SYNE1: variants seen among roughly 807,000 people sequenced by gnomAD.
SYNE1 encodes the protein spectrin repeat containing nuclear envelope protein 1, also known as nesprin-1.
SYNE1 carries 616 observed loss-of-function variants against 1,111.0 expected under a neutral mutation model. The ratio of observed to expected loss-of-function variants is 0.55; its 90% CI spans 0.52 to 0.59. SYNE1 has a LOEUF of 0.59. Among genes scored for constraint, SYNE1 ranks in the 20% least tolerant of loss-of-function variants. The probability of loss-of-function intolerance (pLI) is 0.00; values close to 1 mark genes in which losing one functional copy is unlikely to be tolerated. For missense variants in SYNE1, 10,006 were observed against 10,417.0 expected (o/e 0.96, Z 1.72); for synonymous variants, 3,855 against 3,825.8 (o/e 1.01, Z -0.28).
At chr6:152,317,203 T>G (rs927504341) in intron 86 of SYNE1, among the ~76,000 whole-genome samples, 7 of 151,816 alleles carry the variant, frequency 4.6e-5, no homozygotes, top group African/African-American at 1.5e-4. Flanking sequence ...ATGATTGAAT[T>G]ATTCCTCTTT....
At chr6:152,169,112 C>T (rs1420773868) in intron 130 of SYNE1, among the ~76,000 whole-genome samples, 1 of 151,866 alleles carries the variant, frequency 6.6e-6, no homozygotes, top group Non-Finnish European at 1.5e-5. Context: ...AAAAACTACA[C>T]ACAAATAAAT....
chr6:152,631,680 C>T (rs1266029228), intron 2 of SYNE1, among the ~76,000 whole-genome samples: 1 of 152,050 alleles, frequency 6.6e-6, no homozygotes, highest in Non-Finnish European at 1.5e-5. Flanking sequence ...TATAACACAG[C>T]TTTAGGGAAC....
intron 3 of SYNE1, among the ~76,000 whole-genome samples, chr6:152,555,104 A>G (rs947280833): frequency 4.6e-5 from 7 of 152,230 alleles, no homozygotes; most frequent in African/African-American, 1.7e-4. Context: ...AATCTTAGGA[A>G]GAGCAAAGAA....
At chr6:152,627,954 C>G (rs547997526) in intron 3 of SYNE1, among the ~76,000 whole-genome samples, 1 of 145,438 alleles carries the variant, frequency 6.9e-6, no homozygotes, top group Non-Finnish European at 1.5e-5. Context: ...TATTATTGAA[C>G]AACAGCAGCA....
rs145890180 is a variant in SYNE1 at position 152,427,088 on chromosome 6, A to G, written c.5100+605T>C. Among the ~76,000 whole-genome samples, 1,364 of 152,332 alleles carry G rather than the reference A, an allele frequency of 9.0e-3. 76 individuals are homozygous for G. The highest frequency in any genetic ancestry group is 0.083 in the Admixed American group (1,270 of 15,296). On this transcript the variant is annotated intron_variant, in intron 38 of 145. Coordinates refer to ENST00000367255, the MANE Select transcript of SYNE1 (RefSeq NM_182961.4). ...TTATTAATCTCTAGAAATCAGTAAC[A>G]TTGCCTTTAGCTTCAATTATACTCA...
intron 56 of SYNE1, 117 bp downstream of exon 56, chr6:152,380,889 C>G (rs1269581039): frequency 3.1e-6 from 3 of 956,684 alleles, no homozygotes; most frequent in East Asian, 2.4e-5. Context: ...ATAAATACTT[C>G]TTCCAAGTGT....
At chr6:152,585,134 T>C (rs754993241) in intron 3 of SYNE1, among the ~76,000 whole-genome samples, 4 of 152,066 alleles carry the variant, frequency 2.6e-5, no homozygotes, top group Non-Finnish European at 5.9e-5. Flanking sequence ...GCTTTTCCCC[T>C]ATTGCTCGGC....
At chr6:152,294,929 T>C (rs2094797146) in intron 93 of SYNE1, among the ~76,000 whole-genome samples, 1 of 152,210 alleles carries the variant, frequency 6.6e-6, no homozygotes, top group African/African-American at 2.4e-5. Flanking sequence ...GGGGGAGTAA[T>C]TGCTATTATA....
chr6:152,184,363 G>A (rs1393249046), intron 128 of SYNE1, among the ~76,000 whole-genome samples: 1 of 150,560 alleles, frequency 6.6e-6, no homozygotes, highest in East Asian at 1.9e-4. Flanking sequence ...CTTGAACCCA[G>A]GAGGCACAGG....
intron 3 of SYNE1, among the ~76,000 whole-genome samples, chr6:152,617,877 T>C (rs1462457912): frequency 6.6e-6 from 1 of 152,098 alleles, no homozygotes; most frequent in Non-Finnish European, 1.5e-5. Flanking sequence ...GGCAGGGAAA[T>C]GAGACTGAGA....
At chr6:152,493,707 A>G (rs1371455697) in intron 11 of SYNE1, among the ~76,000 whole-genome samples, 1 of 152,162 alleles carries the variant, frequency 6.6e-6, no homozygotes, top group East Asian at 1.9e-4. Flanking sequence ...CTATCTCAGC[A>G]TAACTCTTCA....
At chr6:152,200,563 AT>A (rs1257706409) in intron 127 of SYNE1, among the ~76,000 whole-genome samples, 1 of 152,082 alleles carries the variant, frequency 6.6e-6, no homozygotes, top group Admixed American at 6.6e-5. Context: ...ACTCTGGTTA[AT>A]TTTTAAATTT....
intron 121 of SYNE1, among the ~76,000 whole-genome samples, chr6:152,217,729 G>A (rs1037862394): frequency 9.9e-5 from 15 of 152,048 alleles, no homozygotes; most frequent in Non-Finnish European, 2.1e-4. Flanking sequence ...CATGGAGAGG[G>A]ACCAGCCGTG....
Position 152,354,715 on chromosome 6 carries a change from T to C in SYNE1, c.10870A>G (p.Arg3624Gly), listed in dbSNP as rs766081119. ...LKTAEEKVSP[R>G]TRRQSNRATK... ...GCCCTGTTAGACTGACGTCTGGTCC[T>C]GGGACTAACTTTCTCCTCTGCTGTT... is the stretch of plus-strand genomic sequence containing the variant. The change falls in exon 67 of 146, where the codon AGG (arginine) becomes GGG (glycine). Residue 3624 changes from arginine (R) to glycine (G), a missense_variant. Transcript: ENST00000367255. 4.3e-6 allele frequency: 7 copies of C among 1,614,246 alleles called. No homozygotes were observed. Among genetic ancestry groups the C allele is most frequent in the Non-Finnish European group, 5.9e-6 (7 of 1,180,040 alleles).
intron 49 of SYNE1, 99 bp downstream of exon 49, chr6:152,398,520 T>A (rs922448964): frequency 2.1e-6 from 2 of 951,240 alleles, no homozygotes; most frequent in Admixed American, 3.5e-5. Flanking sequence ...GAGGAAAAGA[T>A]TGGCTCAGAT....
chr6:152,455,327 C>T, intron 24 of SYNE1, 99 bp downstream of exon 24: 1 of 1,323,638 alleles, frequency 7.6e-7, no homozygotes, highest in Non-Finnish European at 1.0e-6. Context: ...CATCTGCCCG[C>T]TCTCCTTCTG....
At chr6:152,199,254 T>TA (rs2074888242) in intron 127 of SYNE1, among the ~76,000 whole-genome samples, 1 of 152,222 alleles carries the variant, frequency 6.6e-6, no homozygotes. Flanking sequence ...CATAAACCTC[T>TA]AACTTATCCT....
intron 54 of SYNE1, among the ~76,000 whole-genome samples, chr6:152,386,079 G>A (rs2097522846): frequency 6.6e-6 from 1 of 152,144 alleles, no homozygotes; most frequent in African/African-American, 2.4e-5. Context: ...TGGAAATCAT[G>A]CTTAATTCAT....
chr6:152,127,347 G>C (rs1025526980), intron 145 of SYNE1: 5 of 152,120 alleles, frequency 3.3e-5, no homozygotes, highest in African/African-American at 1.2e-4. Context: ...ATTCTTGTGA[G>C]GGTTAAATGA....
Sources: gnomAD v4.1 joint callset for allele counts (sites outside exome capture counted in the v4.1 genomes callset) on GRCh38, gnomAD v4.1.1 for gene constraint, MANE v1.5 for transcripts, NCBI Gene and HGNC (gene_info 2026-07-23, HGNC 2026-07-21) for gene names.